SNX21: variants seen among roughly 807,000 people sequenced by gnomAD.
SNX21 encodes sorting nexin-21.
SNX21 carries 36 observed loss-of-function variants against 30.9 expected under a neutral mutation model. That is an observed-to-expected ratio of 1.16 (90% CI 0.89 to 1.54). The LOEUF (loss-of-function observed/expected upper bound fraction) is 1.54. Ranked by LOEUF, SNX21 falls within the 40% of genes most tolerant of loss-of-function variation. SNX21 has a pLI of 0.00. For synonymous variants in SNX21, 218 were observed against 222.7 expected (o/e 0.98, Z 0.19); for missense variants, 508 against 516.5 (o/e 0.98, Z 0.16).
intron 3 of SNX21, chr20:45,840,044 T>C: frequency 1.5e-6 from 1 of 647,108 alleles, no homozygotes; most frequent in East Asian, 1.4e-4. Flanking sequence ...GAGCACTTCC[T>C]TCACTAGAAA....
At chr20:45,834,052 C>G in intron 1 of SNX21, 112 bp downstream of exon 1, 1 of 1,412,122 alleles carries the variant, frequency 7.1e-7, no homozygotes, top group Non-Finnish European at 9.3e-7. Context: ...TGGCTGGGTC[C>G]CCTGGTTCGC....
Position 45,841,581 on chromosome 20 carries a change from G to A in SNX21, c.*268G>A. ...GCCGGGGGGCTGTGGCACAGGTTGG[G>A]GCAATGTTCCCTTGTTGGTGGGCCC... is the stretch of plus-strand genomic sequence containing the variant. On this transcript the variant is annotated 3_prime_UTR_variant, in exon 4 of 4. Transcript: ENST00000491381. 4.3e-6 allele frequency: 6 copies of A among 1,400,330 alleles called. No homozygotes were observed. The highest frequency in any genetic ancestry group is 5.5e-6 in the Non-Finnish European group (6 of 1,085,184). The allele number at this position is 1,400,330 out of a possible 1,614,324, so 86.7% of individuals were successfully genotyped here. A position where few individuals can be genotyped will look rare whatever the true frequency, so the allele number is the denominator to read the frequency against.
In SNX21 at chr20:45,841,950, G is replaced by T; in HGVS notation, c.*637G>T. ...CAGCCGCCCATGGACCAGCCCCCGA[G>T]AGCCACCTGTGGGTGAGGTGAAGGG... On this transcript the variant is annotated 3_prime_UTR_variant, in exon 4 of 4. Coordinates refer to ENST00000491381, the MANE Select transcript of SNX21 (RefSeq NM_033421.4). The T allele has an allele frequency of 6.2e-7, 1 of 1,613,230 alleles. No individual in the cohort carries two copies.
rs1452729396 is a variant in SNX21 at position 45,841,685 on chromosome 20, T to G, written c.*372T>G. On this transcript the variant is annotated 3_prime_UTR_variant, in exon 4 of 4. Coordinates refer to ENST00000491381, the MANE Select transcript of SNX21 (RefSeq NM_033421.4). ...TGGAGTTAAGGGATGAAGGCAAGGC[T>G]GCAGGTCTGGCCCAGGGGAATTAAA... 1 of 1,426,898 alleles carries G rather than the reference T, an allele frequency of 7.0e-7. No homozygotes were observed. The highest frequency in any genetic ancestry group is 1.4e-5 in the African/African-American group (1 of 69,492). The allele number at this position is 1,426,898 out of a possible 1,614,324, so 88.4% of individuals were successfully genotyped here. A position where few individuals can be genotyped will look rare whatever the true frequency, so the allele number is the denominator to read the frequency against.
intron 1 of SNX21, 66 bp downstream of exon 1, chr20:45,834,006 G>A (rs1369780021): frequency 2.8e-6 from 4 of 1,416,460 alleles, no homozygotes; most frequent in Non-Finnish European, 3.7e-6. Flanking sequence ...GGAGGAACGC[G>A]GTCCTAGGCT....
At position 45,840,739 on chromosome 20, in the gene SNX21, A is replaced by G. The variant is rs747676488; in HGVS notation, c.548A>G (p.Gln183Arg). The part of the protein sequence containing the change: ...SDFERLHRNL[Q>R]RQFRGPMAAI... ...TTTGAGCGGCTGCACCGAAACCTGC[A>G]GCGGCAATTCCGGGGCCCAATGGCT... Residue 183 changes from glutamine to arginine, a missense_variant, in exon 4 of 4, where the codon CAG becomes CGG. Physicochemically the swap from Gln to Arg is conservative, Grantham distance 43. Coordinates refer to ENST00000491381, the MANE Select transcript of SNX21 (RefSeq NM_033421.4). 50 of 1,614,024 alleles carry G rather than the reference A, an allele frequency of 3.1e-5. No homozygotes were observed. The highest frequency in any genetic ancestry group is 3.7e-5 in the Non-Finnish European group (44 of 1,180,046).
chr20:45,834,152 G>C (rs372296189), intron 1 of SNX21, 49 bp from the exon 2 acceptor site: 687 of 1,441,968 alleles, frequency 4.8e-4, no homozygotes, highest in Non-Finnish European at 6.1e-4. Flanking sequence ...GCCGGGCTGG[G>C]GTACCCCTCC....
At position 45,834,311 on chromosome 20, in the gene SNX21, G is replaced by A; in HGVS notation, c.132G>A (p.Glu44=). The A allele has an allele frequency of 6.3e-7, 1 of 1,597,302 alleles. No individual in the cohort carries two copies. Reference sequence around the variant, plus strand: ...CCGAGCAGTTTCCGGAGAGCTCAGAGCTGGAGGACGACGACGCCGAGGGCC... The same window carrying A: ...CCGAGCAGTTTCCGGAGAGCTCAGAACTGGAGGACGACGACGCCGAGGGCC... The part of the protein sequence containing the change: ...PEAEQFPESS[E]LEDDDAEGLS... Residue 44 remains glutamate, a synonymous_variant, in exon 2 of 4, where the codon GAG becomes GAA. Coordinates refer to ENST00000491381, the MANE Select transcript of SNX21 (RefSeq NM_033421.4).
At chr20:45,838,951 A>G (rs928816758) in intron 3 of SNX21, among the ~76,000 whole-genome samples, 8 of 147,344 alleles carry the variant, frequency 5.4e-5, no homozygotes, top group African/African-American at 2.0e-4. Flanking sequence ...CTCGAGTGCC[A>G]TGAGCAATCT....
In SNX21 at chr20:45,833,923, C is replaced by T. The variant is rs567350173; in HGVS notation, c.4C>T (p.His2Tyr). 2.1e-6 allele frequency: 3 copies of T among 1,426,730 alleles called. No homozygotes were observed. The East Asian group carries it at 8.6e-5, about 41-fold the overall frequency. The allele number at this position is 1,426,730 out of a possible 1,614,324, so 88.4% of individuals were successfully genotyped here. A position where few individuals can be genotyped will look rare whatever the true frequency, so the allele number is the denominator to read the frequency against. ...CTGGGGCGCGGCGCGCCCCTGAATG[C>T]ACCGTGGGACGCAGGAGGTAGAGGC... M[H>Y]RGTQEGAMAS... is the part of the protein sequence containing the mutation. Residue 2 changes from histidine (H) to tyrosine (Y), a missense_variant, in exon 1 of 4, where the codon CAC becomes TAC. By Grantham distance (83) the His-to-Tyr change is moderately conservative. Transcript: ENST00000491381.
chr20:45,835,137 C>G (rs766005284), intron 3 of SNX21, 21 bp downstream of exon 3: 253 of 1,597,158 alleles, frequency 1.6e-4, no homozygotes, highest in Non-Finnish European at 2.1e-4. Flanking sequence ...GTCTAGAACC[C>G]CTGGGCTGTG....
chr20:45,834,632 A>G (rs1371666830), intron 2 of SNX21, 164 bp downstream of exon 2: 2 of 982,712 alleles, frequency 2.0e-6, no homozygotes, highest in Admixed American at 6.0e-5. Context: ...GAGAGTCTTA[A>G]CCCCCCTCTG....
At position 45,842,530 on chromosome 20, in the gene SNX21, G is replaced by A; in HGVS notation, c.*1217G>A. ...GGGGAAGAAAGGACTCAGAAGAGAG[G>A]ACTTGAGGCCATGAGGTCTGGCCTC... On this transcript the variant is annotated 3_prime_UTR_variant, in exon 4 of 4. Transcript: ENST00000491381. 9.9e-7 allele frequency: 1 copy of A among 1,009,406 alleles called. No individual in the cohort carries two copies. Among genetic ancestry groups the A allele is most frequent in the Non-Finnish European group, 1.2e-6 (1 of 844,424 alleles). 62.5% of individuals were successfully genotyped at this position (1,009,406 alleles called of 1,614,324 possible). A position where few individuals can be genotyped will look rare whatever the true frequency, so the allele number is the denominator to read the frequency against.
At position 45,840,911 on chromosome 20, in the gene SNX21, G is replaced by A. The variant is rs1357298262; in HGVS notation, c.720G>A (p.Val240=). ...RHAPDLQDFF[V]LPELRRAQSL... Reference sequence around the variant, plus strand: ...CCCCGGACCTGCAGGACTTCTTCGTGCTGCCGGAGCTGCGGCGGGCACAGA... The same window carrying A: ...CCCCGGACCTGCAGGACTTCTTCGTACTGCCGGAGCTGCGGCGGGCACAGA... Residue 240 remains valine (V), a synonymous_variant, in exon 4 of 4, where the codon GTG becomes GTA. Transcript: ENST00000491381. The A allele has an allele frequency of 1.1e-5, 17 of 1,612,512 alleles. No homozygotes were observed. Among genetic ancestry groups the A allele is most frequent in the Non-Finnish European group, 1.4e-5 (17 of 1,179,680 alleles).
At position 45,841,427 on chromosome 20, in the gene SNX21, G is replaced by T; in HGVS notation, c.*114G>T. ...CTGCAGAGGGTGCTGGGAGCCCCTA[G>T]AAGTTCCAAAAGAGAATGTGAAGCA... On this transcript the variant is annotated 3_prime_UTR_variant, in exon 4 of 4. Coordinates refer to ENST00000491381, the MANE Select transcript of SNX21 (RefSeq NM_033421.4). 1 of 1,472,444 alleles carries T rather than the reference G, an allele frequency of 6.8e-7. No individual in the cohort carries two copies. Among genetic ancestry groups the T allele is most frequent in the Non-Finnish European group, 9.0e-7 (1 of 1,116,120 alleles). 91.2% of individuals were successfully genotyped at this position (1,472,444 alleles called of 1,614,324 possible). A position where few individuals can be genotyped will look rare whatever the true frequency, so the allele number is the denominator to read the frequency against.
Position 45,835,048 on chromosome 20 carries a change from G to A in SNX21, c.379G>A (p.Ala127Thr). 1 of 1,614,194 alleles carries A rather than the reference G, an allele frequency of 6.2e-7. No homozygotes were observed. The highest frequency in any genetic ancestry group is 8.5e-7 in the Non-Finnish European group (1 of 1,180,036). ...CTGGAAGAAGTCCCGGAACACCTTG[G>A]CACCCCAGCGGCTGCTCTTCGAAGT... ...DFWKKSRNTL[A>T]PQRLLFEVTS... is the part of the protein sequence containing the mutation. Residue 127 changes from alanine (A) to threonine (T), a missense_variant, in exon 3 of 4, where the codon GCA (alanine) becomes ACA (threonine). Physicochemically the swap from Ala to Thr is moderately conservative, Grantham distance 58. Coordinates refer to ENST00000491381, the MANE Select transcript of SNX21 (RefSeq NM_033421.4).
chr20:45,834,101 C>T, intron 1 of SNX21, 100 bp from the exon 2 acceptor site: 2 of 1,406,624 alleles, frequency 1.4e-6, no homozygotes, highest in South Asian at 3.0e-5. Flanking sequence ...CTCACCGCGC[C>T]CCTCCCTCTC....
rs1329297013 is a variant in SNX21, at chr20:45,834,320, C to T, written c.141C>T (p.Asp47=). 1.3e-6 allele frequency: 2 copies of T among 1,597,582 alleles called. No individual in the cohort carries two copies. The highest frequency in any genetic ancestry group is 2.2e-5 in the East Asian group (1 of 44,530). ...TTCCGGAGAGCTCAGAGCTGGAGGA[C>T]GACGACGCCGAGGGCCTGTCCTCCC... ...EQFPESSELE[D]DDAEGLSSRL... The change falls in exon 2 of 4, where the codon GAC becomes GAT. Residue 47 remains aspartate (D), a synonymous_variant. Coordinates refer to ENST00000491381, the MANE Select transcript of SNX21 (RefSeq NM_033421.4).
At position 45,840,410 on chromosome 20, in the gene SNX21, TTCTC is replaced by T. The variant is rs760266961; in HGVS notation, c.448-225_448-222del. 3.1e-6 allele frequency: 5 copies of T among 1,614,088 alleles called. No homozygotes were observed. The African/African-American group carries it at 5.3e-5, about 17-fold the overall frequency. On this transcript the variant is annotated intron_variant, in intron 3 of 3. Transcript: ENST00000491381. ...CGGGCACTGAAGCTCATCTCTGTCT[TTCTC>T]TCTTCTTGCTGCCTTGGGCCTGGGT...
Sources: allele counts gnomAD v4.1 joint callset (sites outside exome capture counted in the v4.1 genomes callset), GRCh38; gene constraint gnomAD v4.1.1; transcripts MANE v1.5; gene names NCBI Gene and HGNC (gene_info 2026-07-23, HGNC 2026-07-21).